The following FAM234A variants were observed in gnomAD, a reference collection of about 807,000 sequenced individuals.
FAM234A encodes family with sequence similarity 234 member A.
Under a neutral mutation model 49.1 loss-of-function variants are expected in FAM234A, and 42 were observed. That is an observed-to-expected ratio of 0.86 (90% CI 0.67 to 1.11). The LOEUF (loss-of-function observed/expected upper bound fraction) is 1.11. Among genes scored for constraint, FAM234A ranks in the 50% least tolerant of loss-of-function variants. The probability of loss-of-function intolerance (pLI) is 0.00; values close to 1 mark genes in which losing one functional copy is unlikely to be tolerated. For missense variants in FAM234A, 815 were observed against 745.2 expected, an observed-to-expected ratio of 1.09 and a Z score of -1.09; for synonymous variants, 369 against 316.2, an observed-to-expected ratio of 1.17 and a Z score of -1.77.
chr16:260,661 T>C (rs1369839703), intron 5 of FAM234A: 1 of 472,036 alleles, frequency 2.1e-6, no homozygotes, highest in Non-Finnish European at 4.4e-6. Context: ...GCCATGTGTG[T>C]GTGTGGGCTC....
At chr16:258,706 GC>G (rs2051336306) in intron 3 of FAM234A, among the ~76,000 whole-genome samples, 1 of 152,220 alleles carries the variant, frequency 6.6e-6, no homozygotes, top group Admixed American at 6.5e-5. Context: ...GGGCAGAGGG[GC>G]TCCTCACTTC....
chr16:262,293 G>A, intron 7 of FAM234A, 68 bp downstream of exon 7: 1 of 1,591,224 alleles, frequency 6.3e-7, no homozygotes, highest in Non-Finnish European at 8.6e-7. Context: ...CGGCTCCTCA[G>A]GTCCTGCTTC....
At chr16:262,674 C>T (rs754140779) in intron 8 of FAM234A, 121 bp downstream of exon 8, 9 of 1,008,442 alleles carry the variant, frequency 8.9e-6, no homozygotes, top group Non-Finnish European at 1.2e-5. Context: ...GGGAGGTGCT[C>T]GGGGTACCGC....
chr16:239,018 G>A (rs2050514044), intron 1 of FAM234A, among the ~76,000 whole-genome samples: 1 of 146,730 alleles, frequency 6.8e-6, no homozygotes, highest in South Asian at 2.2e-4. Flanking sequence ...GGAGGCGGAG[G>A]TTGCGGTGAG....
At chr16:238,284 G>T (rs1234125582) in intron 1 of FAM234A, among the ~76,000 whole-genome samples, 1 of 152,064 alleles carries the variant, frequency 6.6e-6, no homozygotes, top group Admixed American at 6.6e-5. Flanking sequence ...TTCCCAAAGT[G>T]CTGGAATTAG....
chr16:249,066 T>C (rs1483407776), intron 1 of FAM234A, among the ~76,000 whole-genome samples: 1 of 152,058 alleles, frequency 6.6e-6, no homozygotes, highest in African/African-American at 2.4e-5. Flanking sequence ...ATTTACTAGC[T>C]TGAGGTCTGC....
downstream of FAM234A, chr16:268,310 G>A: frequency 8.2e-6 from 2 of 245,262 alleles, no homozygotes; most frequent in South Asian, 5.9e-5. Context: ...AGCAGGATGG[G>A]CTCAGAGCCA....
In FAM234A at chr16:262,066, TTCCTGTGTCA is replaced by T. The variant is rs778255702; in HGVS notation, c.709-15_709-6del. 1.2e-6 allele frequency: 2 copies of T among 1,611,236 alleles called. No individual in the cohort carries two copies. The highest frequency in any genetic ancestry group is 1.7e-6 in the Non-Finnish European group (2 of 1,178,264). ...GCAGCCCCAGGCTCAGGTCCCTCTC[TTCCTGTGTCA>T]TCCTGTGTCATTGCAGGTTAGTGGC... On this transcript the variant is annotated splice_polypyrimidine_tract_variant and intron_variant, in intron 6 of 12. Transcript: ENST00000399932.
chr16:264,664 G>T lies in FAM234A; in HGVS notation c.1395G>T (p.Pro465=). ...HSLYMFHPTL[P]RVLLELANVS... is the part of the protein sequence containing the mutation. Reference sequence around the variant, plus strand: ...TGTACATGTTCCACCCCACCCTGCCGCGCGTGCTGCTGGAGCTGGCCAATG... The same window carrying T: ...TGTACATGTTCCACCCCACCCTGCCTCGCGTGCTGCTGGAGCTGGCCAATG... The change falls in exon 12 of 13, where the codon CCG becomes CCT. Residue 465 remains proline (P), a synonymous_variant. Transcript: ENST00000399932. 1 of 1,612,082 alleles carries T rather than the reference G, an allele frequency of 6.2e-7. No homozygotes were observed. Among genetic ancestry groups the T allele is most frequent in the Non-Finnish European group, 8.5e-7 (1 of 1,179,958 alleles).
chr16:241,473 C>T (rs551220650), intron 1 of FAM234A, among the ~76,000 whole-genome samples: 1 of 152,100 alleles, frequency 6.6e-6, no homozygotes, highest in East Asian at 1.9e-4. Flanking sequence ...CCTGTGCTCC[C>T]AGCTACTGGG....
chr16:269,279 C>T (rs538383366), downstream of FAM234A: 68 of 1,570,128 alleles, frequency 4.3e-5, no homozygotes, highest in Admixed American at 3.8e-4. Flanking sequence ...CTAGGCCACC[C>T]CATCTCCACC....
chr16:235,816 T>C (rs2050379131), intron 1 of FAM234A, among the ~76,000 whole-genome samples: 1 of 152,164 alleles, frequency 6.6e-6, no homozygotes, highest in Admixed American at 6.5e-5. Context: ...AAGGAGCTTC[T>C]ATTCTACTGG....
At chr16:254,203 G>A (rs997613028) in intron 2 of FAM234A, 178 bp from the exon 3 acceptor site, 5 of 627,020 alleles carry the variant, frequency 8.0e-6, no homozygotes, top group South Asian at 1.9e-5. Flanking sequence ...ACCTTCTTAA[G>A]TATAATCTGT....
At chr16:254,260 G>A (rs1185665479) in intron 2 of FAM234A, 121 bp from the exon 3 acceptor site, 1 of 731,284 alleles carries the variant, frequency 1.4e-6, no homozygotes, top group Non-Finnish European at 2.3e-6. Context: ...TTCCTGGGCT[G>A]GTGGCCCATA....
chr16:242,963 T>G (rs2050673016), intron 1 of FAM234A, among the ~76,000 whole-genome samples: 1 of 151,848 alleles, frequency 6.6e-6, no homozygotes, highest in African/African-American at 2.4e-5. Context: ...CAAATTTTCT[T>G]TTCTTTCTGA....
At chr16:256,148 G>A (rs2051222956) in intron 3 of FAM234A, among the ~76,000 whole-genome samples, 2 of 152,204 alleles carry the variant, frequency 1.3e-5, no homozygotes, top group Admixed American at 1.3e-4. Context: ...AGACTCTTAT[G>A]AATAATTCTG....
At chr16:247,309 T>G (rs1352254324) in intron 1 of FAM234A, among the ~76,000 whole-genome samples, 4 of 151,784 alleles carry the variant, frequency 2.6e-5, no homozygotes, top group African/African-American at 9.7e-5. Flanking sequence ...TTTTTTTTCT[T>G]TCTTTTTAGA....
rs536516737 is a variant in FAM234A at position 264,837 on chromosome 16, G to T, written c.1474G>T (p.Ala492Ser). 75 of 1,611,098 alleles carry T rather than the reference G, an allele frequency of 4.7e-5. No homozygotes were observed. In the Middle Eastern group the frequency reaches 6.6e-4, roughly 14 times the overall value. Residue 492 changes from alanine to serine, a missense_variant, in exon 13 of 13, where the codon GCC becomes TCC. Ala to Ser is a moderately conservative substitution (Grantham distance 99). Coordinates refer to ENST00000399932, the MANE Select transcript of FAM234A (RefSeq NM_032039.4). ...CGTCCTGTTTGAGCCAAGCCGCCAC[G>T]CCGCCTACATCCTTCTGACAGGCCC... ...DAVLFEPSRH[A>S]AYILLTGPAD...
At chr16:269,709 T>C, downstream of FAM234A, 1 of 772,816 alleles carries the variant, frequency 1.3e-6, no homozygotes, top group African/African-American at 1.7e-5. Flanking sequence ...GCGGACAGGG[T>C]GCTGGAGGCA....
Sources: allele counts gnomAD v4.1 joint callset (sites outside exome capture counted in the v4.1 genomes callset), GRCh38; gene constraint gnomAD v4.1.1; transcripts MANE v1.5; gene names NCBI Gene and HGNC (gene_info 2026-07-23, HGNC 2026-07-21).